Variants in CACNA1E observed in about 807,000 individuals in gnomAD.
CACNA1E encodes the protein calcium voltage-gated channel subunit alpha1 E.
A neutral mutation model predicts 259.2 loss-of-function variants in CACNA1E; 40 were observed. The observed-to-expected ratio is 0.15, with a 90% CI of 0.12 to 0.20. The LOEUF is 0.20. Among genes scored for constraint, CACNA1E ranks in the 10% least tolerant of loss-of-function variants. The probability of loss-of-function intolerance (pLI) is 1.00; values close to 1 mark genes in which losing one functional copy is unlikely to be tolerated. For synonymous variants in CACNA1E, 1,104 were observed against 1,138.5 expected, an observed-to-expected ratio of 0.97 and a Z score of 0.61; for missense variants, 1,874 against 3,040.1, an observed-to-expected ratio of 0.62 and a Z score of 9.02.
chr1:181,730,940 G>A (rs777274767), intron 18 of CACNA1E, among the ~76,000 whole-genome samples: 5 of 152,218 alleles, frequency 3.3e-5, no homozygotes, highest in Non-Finnish European at 7.3e-5. Context: ...TAACCTGTGT[G>A]CCTCTGCATG....
intron 43 of CACNA1E, among the ~76,000 whole-genome samples, chr1:181,786,160 T>G (rs1399364162): frequency 6.6e-6 from 1 of 152,200 alleles, no homozygotes; most frequent in Admixed American, 6.5e-5. Flanking sequence ...TCCCCGTGGA[T>G]CTAGTGTCCT....
At position 181,783,785 on chromosome 1, in the gene CACNA1E, G is replaced by T. The variant is rs1292482460; in HGVS notation, c.5470+1G>T. ...GCTCTGGACATTAAAATTGCCAAAG[G>T]TAAGCTTAGCTTAGGAAGGGAGGTG... On this transcript the variant is annotated splice_donor_variant, in intron 40 of 47. Transcript: ENST00000367573. LOFTEE classifies it high-confidence loss of function. 2.7e-6 allele frequency: 4 copies of T among 1,479,694 alleles called. No individual in the cohort carries two copies. The highest frequency in any genetic ancestry group is 3.6e-6 in the Non-Finnish European group (4 of 1,105,846). The allele number at this position is 1,479,694 out of a possible 1,614,324, so 91.7% of individuals were successfully genotyped here. A position where few individuals can be genotyped will look rare whatever the true frequency, so the allele number is the denominator to read the frequency against.
intron 3 of CACNA1E, among the ~76,000 whole-genome samples, chr1:181,551,012 C>T (rs938941860): frequency 6.6e-6 from 1 of 151,686 alleles, no homozygotes; most frequent in African/African-American, 2.4e-5. Context: ...GTATTTATTT[C>T]TCTGGGCTTT....
At chr1:181,759,395 CTGTGTGTGTG>C (rs10677275) in intron 32 of CACNA1E, among the ~76,000 whole-genome samples, 6 of 146,886 alleles carry the variant, frequency 4.1e-5, no homozygotes, top group South Asian at 2.2e-4. Context: ...AGGGGTGTGT[CTGTGTGTGTG>C]TGTGTGTGTG....
chr1:181,753,890 A>G (rs1379085408), intron 27 of CACNA1E, among the ~76,000 whole-genome samples: 1 of 152,144 alleles, frequency 6.6e-6, no homozygotes, highest in African/African-American at 2.4e-5. Context: ...TTCAGAGCCC[A>G]GGGCCCTGGC....
chr1:181,373,757 C>A (rs890942051), intron 1 of CACNA1E, among the ~76,000 whole-genome samples: 1 of 152,028 alleles, frequency 6.6e-6, no homozygotes, highest in African/African-American at 2.4e-5. Flanking sequence ...GATCTCCTGA[C>A]CTTGTGATCC....
At chr1:181,422,848 C>T (rs1006871508) in intron 2 of CACNA1E, among the ~76,000 whole-genome samples, 8 of 152,188 alleles carry the variant, frequency 5.3e-5, no homozygotes, top group South Asian at 4.2e-4. Context: ...TCTTGTCTAC[C>T]GAGAAAGTGT....
chr1:181,641,783 G>A (rs1231463730), intron 6 of CACNA1E, among the ~76,000 whole-genome samples: 3 of 126,042 alleles, frequency 2.4e-5, no homozygotes, highest in African/African-American at 9.3e-5. Flanking sequence ...GTGTGATCTC[G>A]GCTTACTGCA....
At chr1:181,660,150 G>A (rs1008771563) in intron 7 of CACNA1E, among the ~76,000 whole-genome samples, 1 of 152,216 alleles carries the variant, frequency 6.6e-6, no homozygotes, top group Non-Finnish European at 1.5e-5. Context: ...GTAGTGAAGT[G>A]TCCATAGTAG....
Position 181,736,333 on chromosome 1 carries a change from T to G in CACNA1E, c.3321T>G (p.Asp1107Glu), listed in dbSNP as rs747150709. ...SPLKEAEIRE[D>E]EEEVEKKKQK... ...TGAAGGAGGCAGAGATCAGAGAGGA[T>G]GAGGAGGAGGTGGAGAAGAAGAAGC... Residue 1107 changes from aspartate to glutamate, a missense_variant, in exon 22 of 48, where the codon GAT becomes GAG. This residue lies in a region of CACNA1E where 476 missense variants were observed against 514.0 expected (regional missense o/e 0.93). Coordinates refer to ENST00000367573, the MANE Select transcript of CACNA1E (RefSeq NM_001205293.3). 6.2e-7 allele frequency: 1 copy of G among 1,606,824 alleles called. No individual in the cohort carries two copies. The highest frequency in any genetic ancestry group is 8.5e-7 in the Non-Finnish European group (1 of 1,176,508).
intron 6 of CACNA1E, among the ~76,000 whole-genome samples, chr1:181,591,692 A>G (rs1652659749): frequency 6.6e-6 from 1 of 152,210 alleles, no homozygotes; most frequent in Non-Finnish European, 1.5e-5. Context: ...ACTATAACAT[A>G]GTGGTTAGGA....
chr1:181,541,419 A>G (rs1276177721), intron 3 of CACNA1E, among the ~76,000 whole-genome samples: 4 of 152,100 alleles, frequency 2.6e-5, no homozygotes, highest in Non-Finnish European at 5.9e-5. Flanking sequence ...GGAGTTATGA[A>G]TCTCCCCATT....
At chr1:181,446,784 C>T (rs527437718) in intron 2 of CACNA1E, among the ~76,000 whole-genome samples, 2 of 152,210 alleles carry the variant, frequency 1.3e-5, no homozygotes, top group South Asian at 4.1e-4. Context: ...ATTTGTTTCA[C>T]TGAGAAAGCT....
chr1:181,324,877 G>T (rs1178145327), intron 1 of CACNA1E, among the ~76,000 whole-genome samples: 1 of 152,124 alleles, frequency 6.6e-6, no homozygotes, highest in African/African-American at 2.4e-5. Context: ...AACCCAGAGC[G>T]GACAGAGGTT....
rs556787082 is a variant in CACNA1E, at chr1:181,732,163, A to G, written c.2298-221A>G. 6.6e-6 allele frequency among the ~76,000 whole-genome samples: 1 copy of G among 152,102 alleles called. No individual in the cohort carries two copies. Among genetic ancestry groups the G allele is most frequent in the East Asian group, 2.0e-4 (1 of 5,112 alleles). The stretch of plus-strand genomic sequence containing the variant: ...AGCCCTCAGCTACTACAAAGCAGGG[A>G]TTGGAGCAGAAAGTACCTGGGCTGG... On this transcript the variant is annotated intron_variant, in intron 19 of 47. Transcript: ENST00000367573. The surrounding 1 kb of genome is among the most constrained non-coding windows in gnomAD (Gnocchi z 5.5).
intron 1 of CACNA1E, 82 bp downstream of exon 1, chr1:181,484,092 C>T: frequency 2.2e-6 from 3 of 1,367,774 alleles, no homozygotes; most frequent in East Asian, 2.3e-5. Context: ...TGGAATGTAT[C>T]CCCCACCCCT....
intron 29 of CACNA1E, 117 bp downstream of exon 29, chr1:181,756,210 G>C: frequency 9.6e-7 from 1 of 1,046,810 alleles, no homozygotes; most frequent in Non-Finnish European, 1.3e-6. Context: ...GGAAAGTAAG[G>C]GGTTTTGAGA....
At chr1:181,753,567 C>T (rs894609173) in intron 27 of CACNA1E, among the ~76,000 whole-genome samples, 7 of 152,152 alleles carry the variant, frequency 4.6e-5, no homozygotes, top group Admixed American at 3.9e-4. Context: ...CGTGAGTGGT[C>T]CCTGTTAGAA....
At chr1:181,711,189 A>T in intron 8 of CACNA1E, 120 bp downstream of exon 8, 5 of 699,724 alleles carry the variant, frequency 7.1e-6, no homozygotes, top group Non-Finnish European at 1.3e-5. Flanking sequence ...GACACTCTGG[A>T]TGCTTGGTTG....
Sources: gnomAD v4.1 joint callset for allele counts (sites outside exome capture counted in the v4.1 genomes callset) on GRCh38, gnomAD v4.1.1 for gene constraint, gnomAD v4.1.1 regional missense constraint, Gnocchi (gnomAD v3.1) non-coding constraint, MANE v1.5 for transcripts, NCBI Gene and HGNC (gene_info 2026-07-23, HGNC 2026-07-21) for gene names.